Variants in LRMDA observed in about 807,000 individuals in gnomAD.
LRMDA encodes the protein leucine-rich melanocyte differentiation-associated protein.
A neutral mutation model predicts 29.8 loss-of-function variants in LRMDA; 18 were observed. The ratio of observed to expected loss-of-function variants is 0.60; its 90% CI spans 0.42 to 0.90. The LOEUF (loss-of-function observed/expected upper bound fraction) is 0.90. Among genes scored for constraint, LRMDA ranks in the 40% least tolerant of loss-of-function variants. The pLI, the probability that LRMDA is intolerant of heterozygous loss-of-function variation, is 0.00. For missense variants in LRMDA, 273 were observed against 273.9 expected, an observed-to-expected ratio of 1.00 and a Z score of 0.02; for synonymous variants, 125 against 109.4, an observed-to-expected ratio of 1.14 and a Z score of -0.89.
At chr10:75,645,222 A>G (rs1183920851) in intron 2 of LRMDA, among the ~76,000 whole-genome samples, 1 of 152,058 alleles carries the variant, frequency 6.6e-6, no homozygotes, top group East Asian at 1.9e-4. Flanking sequence ...AGCTCAGGTG[A>G]TGTACCCGCC....
chr10:75,625,362 GATAGGAGAC>G (rs1189030807), intron 2 of LRMDA, among the ~76,000 whole-genome samples: 1 of 152,152 alleles, frequency 6.6e-6, no homozygotes, highest in Non-Finnish European at 1.5e-5. Flanking sequence ...TTGTCCAACT[GATAGGAGAC>G]ACAGGATTCA....
intron 2 of LRMDA, among the ~76,000 whole-genome samples, chr10:75,452,007 C>T (rs143578661): frequency 6.6e-6 from 1 of 152,210 alleles, no homozygotes; most frequent in East Asian, 1.9e-4. Context: ...AATTCTGTGC[C>T]GTTGGCTTGG....
intron 2 of LRMDA, among the ~76,000 whole-genome samples, chr10:75,971,911 C>T (rs1005155615): frequency 2.0e-5 from 3 of 152,148 alleles, no homozygotes; most frequent in East Asian, 1.9e-4. Context: ...TGCTGGATGT[C>T]GTCAGCCTGT....
At chr10:76,441,700 CT>C (rs1287650091) in intron 6 of LRMDA, among the ~76,000 whole-genome samples, 1 of 152,182 alleles carries the variant, frequency 6.6e-6, no homozygotes, top group Non-Finnish European at 1.5e-5. Context: ...CTCTGCCCCC[CT>C]CTCCTCTCCC....
chr10:76,243,945 C>T (rs569024026), intron 5 of LRMDA, among the ~76,000 whole-genome samples: 1 of 152,134 alleles, frequency 6.6e-6, no homozygotes, highest in East Asian at 1.9e-4. Flanking sequence ...GGCTATAAAT[C>T]GAATGACAAG....
intron 2 of LRMDA, among the ~76,000 whole-genome samples, chr10:75,939,727 C>T (rs1434057354): frequency 9.9e-5 from 15 of 152,162 alleles, no homozygotes; most frequent in Non-Finnish European, 5.9e-5. Context: ...GAGGTCATTC[C>T]TCAGGCCAGA....
At chr10:75,475,415 GTCC>G (rs1935186874) in intron 2 of LRMDA, among the ~76,000 whole-genome samples, 2 of 152,048 alleles carry the variant, frequency 1.3e-5, no homozygotes, top group African/African-American at 2.4e-5. Context: ...GGGTAAGCCT[GTCC>G]TCCTCCCTGC....
intron 6 of LRMDA, among the ~76,000 whole-genome samples, chr10:76,427,720 G>C (rs1318991091): frequency 6.6e-6 from 1 of 152,152 alleles, no homozygotes; most frequent in Admixed American, 6.5e-5. Context: ...TGCCCATTCA[G>C]TATGATATTG....
At chr10:76,180,107 G>C (rs776971329) in intron 5 of LRMDA, among the ~76,000 whole-genome samples, 1 of 151,850 alleles carries the variant, frequency 6.6e-6, no homozygotes, top group Non-Finnish European at 1.5e-5. Flanking sequence ...GTGGAAATGC[G>C]TTAGTTTCGA....
At chr10:76,185,859 C>G (rs773964419) in intron 5 of LRMDA, among the ~76,000 whole-genome samples, 1 of 152,136 alleles carries the variant, frequency 6.6e-6, no homozygotes, top group South Asian at 2.1e-4. Context: ...GCCAGAAACT[C>G]GGGATCTCTA....
rs1338091170 is a variant in LRMDA at position 75,618,382 on chromosome 10, C to CTCTCTA, written c.131+179889_131+179890insCTCTAT. Among the ~76,000 whole-genome samples, 531 of 76,988 alleles carry CTCTCTA rather than the reference C, an allele frequency of 6.9e-3. 3 individuals carry two copies. The highest frequency in any genetic ancestry group is 0.02 in the African/African-American group (482 of 24,020). 50.5% of individuals were successfully genotyped at this position (76,988 alleles called of 152,430 possible). On this transcript the variant is annotated intron_variant, in intron 2 of 6. Coordinates refer to ENST00000611255, the MANE Select transcript of LRMDA (RefSeq NM_001305581.2). Reference sequence around the variant, plus strand: ...TCTCTCTCTCTCTCTCTCTCTCTCTCTATATATATATATATATATATATAT... The same window carrying CTCTCTA: ...TCTCTCTCTCTCTCTCTCTCTCTCTCTCTCTATATATATATATATATATATATATAT...
chr10:76,399,081 G>A (rs983357013), intron 6 of LRMDA, among the ~76,000 whole-genome samples: 1 of 152,190 alleles, frequency 6.6e-6, no homozygotes, highest in Non-Finnish European at 1.5e-5. Flanking sequence ...TCTGGTCATA[G>A]ATGTTGTCTG....
At chr10:75,764,658 G>C (rs986398483) in intron 2 of LRMDA, among the ~76,000 whole-genome samples, 1 of 152,128 alleles carries the variant, frequency 6.6e-6, no homozygotes, top group Non-Finnish European at 1.5e-5. Context: ...TTGCTCAAGG[G>C]CACGGCTAAC....
At chr10:76,356,175 A>G (rs1841237269) in intron 6 of LRMDA, among the ~76,000 whole-genome samples, 1 of 152,240 alleles carries the variant, frequency 6.6e-6, no homozygotes, top group Admixed American at 6.5e-5. Flanking sequence ...AAAGAAAACA[A>G]TGTCAGGATG....
intron 6 of LRMDA, among the ~76,000 whole-genome samples, chr10:76,463,648 G>A (rs1044983742): frequency 1.3e-5 from 2 of 152,188 alleles, no homozygotes; most frequent in Non-Finnish European, 2.9e-5. Context: ...GCGGTGGCAG[G>A]GGAGGGGGGA....
At chr10:76,086,084 G>A (rs1381501076) in intron 5 of LRMDA, among the ~76,000 whole-genome samples, 1 of 152,098 alleles carries the variant, frequency 6.6e-6, no homozygotes, top group East Asian at 1.9e-4. Context: ...TCTCTTCTGG[G>A]GACCAGTGAA....
At position 76,018,567 on chromosome 10, in the gene LRMDA, G is replaced by GTTT. The variant is rs765340066; in HGVS notation, c.132-17424_132-17422dup. ...GGCATAAAGATGTCAGGCTTCTGAAGTTTTTTTTTTTTTTTTTTTGAGATG... is the reference window on the plus strand; with the variant it reads ...GGCATAAAGATGTCAGGCTTCTGAAGTTTTTTTTTTTTTTTTTTTTTTGAGATG... On this transcript the variant is annotated intron_variant, in intron 2 of 6. Transcript: ENST00000611255. 3.6e-3 allele frequency among the ~76,000 whole-genome samples: 473 copies of GTTT among 131,940 alleles called. 7 individuals carry two copies. Among genetic ancestry groups the GTTT allele is most frequent in the East Asian group, 0.014 (62 of 4,344 alleles). The allele number at this position is 131,940 out of a possible 152,430, so 86.6% of individuals were successfully genotyped here. A position where few individuals can be genotyped will look rare whatever the true frequency, so the allele number is the denominator to read the frequency against.
chr10:75,766,814 C>T (rs1843175126), intron 2 of LRMDA, among the ~76,000 whole-genome samples: 1 of 151,962 alleles, frequency 6.6e-6, no homozygotes, highest in African/African-American at 2.4e-5. Flanking sequence ...CCAAGACGGG[C>T]CCCGGTGTGT....
intron 2 of LRMDA, among the ~76,000 whole-genome samples, chr10:75,862,828 G>A (rs1323075): frequency 0.54 from 81,624 of 151,978 alleles, 22,353 homozygotes; most frequent in East Asian, 0.8. Flanking sequence ...TTCACTTCCA[G>A]TGGCATTTGC....
Sources: allele counts gnomAD v4.1 joint callset (sites outside exome capture counted in the v4.1 genomes callset), GRCh38; gene constraint gnomAD v4.1.1; transcripts MANE v1.5; gene names NCBI Gene and HGNC (gene_info 2026-07-23, HGNC 2026-07-21).